ADGRG7: variants seen among roughly 807,000 people sequenced by gnomAD.
ADGRG7 encodes the protein G-protein coupled receptor 128.
Under a neutral mutation model 88.6 loss-of-function variants are expected in ADGRG7, and 82 were observed. The observed-to-expected ratio is 0.93, with a 90% CI of 0.77 to 1.11. The LOEUF is 1.11. Ranked by LOEUF, ADGRG7 falls within the 50% of genes most tolerant of loss-of-function variation. The probability of loss-of-function intolerance (pLI) is 0.00; values close to 1 mark genes in which losing one functional copy is unlikely to be tolerated. For synonymous variants in ADGRG7, 381 were observed against 345.2 expected (o/e 1.10, Z -1.15); for missense variants, 945 against 953.4 (o/e 0.99, Z 0.12).
chr3:100,647,116 C>G (rs576689374), intron 10 of ADGRG7, among the ~76,000 whole-genome samples: 31 of 152,128 alleles, frequency 2.0e-4, no homozygotes, highest in Non-Finnish European at 4.1e-4. Context: ...GAGATCACAC[C>G]ACTGCACTCC....
chr3:100,616,259 C>G (rs181580567), intron 1 of ADGRG7, among the ~76,000 whole-genome samples: 1 of 152,000 alleles, frequency 6.6e-6, no homozygotes, highest in Admixed American at 6.6e-5. Context: ...AAATTACATG[C>G]GAACCATGAT....
At chr3:100,662,494 A>G (rs1388661011) in intron 14 of ADGRG7, among the ~76,000 whole-genome samples, 4 of 152,202 alleles carry the variant, frequency 2.6e-5, no homozygotes, top group Non-Finnish European at 4.4e-5. Context: ...CATCAACACC[A>G]GAACAAAGTG....
chr3:100,663,534 A>G (rs1318055528), intron 14 of ADGRG7, among the ~76,000 whole-genome samples: 2 of 152,020 alleles, frequency 1.3e-5, no homozygotes, highest in Non-Finnish European at 1.5e-5. Flanking sequence ...CTCATCTCCA[A>G]CTAACTTTCT....
intron 1 of ADGRG7, among the ~76,000 whole-genome samples, chr3:100,611,243 T>TTTTTCTTC (rs1707144577): frequency 1.3e-5 from 1 of 76,318 alleles, no homozygotes; most frequent in Non-Finnish European, 3.4e-5. Flanking sequence ...GTTTGTTTGT[T>TTTTTCTTC]TTTCCTTCCT....
At chr3:100,648,776 T>C (rs980585642) in intron 10 of ADGRG7, among the ~76,000 whole-genome samples, 5 of 145,288 alleles carry the variant, frequency 3.4e-5, no homozygotes, top group African/African-American at 1.2e-4. Flanking sequence ...AATACATTGC[T>C]TTTCTAATTT....
intron 1 of ADGRG7, among the ~76,000 whole-genome samples, chr3:100,628,468 C>T (rs1038607279): frequency 6.6e-6 from 1 of 151,870 alleles, no homozygotes; most frequent in South Asian, 2.1e-4. Context: ...AAGTGATTCT[C>T]GTGCCTCAGC....
chr3:100,614,461 G>A (rs1052425834), intron 1 of ADGRG7, among the ~76,000 whole-genome samples: 15 of 152,086 alleles, frequency 9.9e-5, no homozygotes, highest in Admixed American at 2.6e-4. Flanking sequence ...AGTTAATACC[G>A]GACAAAGTTT....
intron 15 of ADGRG7, among the ~76,000 whole-genome samples, chr3:100,686,135 G>A (rs2094982202): frequency 6.6e-6 from 1 of 151,812 alleles, no homozygotes; most frequent in African/African-American, 2.4e-5. Context: ...GTGATGATGA[G>A]CATTTTTTCA....
chr3:100,658,749 C>T (rs1381049893), intron 13 of ADGRG7, among the ~76,000 whole-genome samples: 1 of 152,136 alleles, frequency 6.6e-6, no homozygotes, highest in Non-Finnish European at 1.5e-5. Flanking sequence ...ACTCTCATTA[C>T]CTGATTTACT....
rs765888895 is a variant in ADGRG7 at position 100,694,946 on chromosome 3, C to T, written c.2339C>T (p.Pro780Leu). 3.2e-5 allele frequency: 51 copies of T among 1,613,996 alleles called. No homozygotes were observed. Among genetic ancestry groups the T allele is most frequent in the Middle Eastern group, 1.6e-4 (1 of 6,084 alleles). Reference protein sequence around the residue: ...HERFRLLETSPSTEEITLSES... With the variant: ...HERFRLLETSLSTEEITLSES... ...CGCTTTAGGCTACTGGAAACCTCTCCGAGTACTGAGGAAATCACACTCTCT... is the reference window on the plus strand; with the variant it reads ...CGCTTTAGGCTACTGGAAACCTCTCTGAGTACTGAGGAAATCACACTCTCT... The change falls in exon 16 of 16, where the codon CCG becomes CTG. Residue 780 changes from proline to leucine, a missense_variant. By Grantham distance (98) the Pro-to-Leu change is moderately conservative. Coordinates refer to ENST00000273352, the MANE Select transcript of ADGRG7 (RefSeq NM_032787.3).
At chr3:100,662,966 G>A (rs2094947450) in intron 14 of ADGRG7, among the ~76,000 whole-genome samples, 1 of 152,094 alleles carries the variant, frequency 6.6e-6, no homozygotes, top group Admixed American at 6.5e-5. Flanking sequence ...GAACATTTTA[G>A]AGCATGGGAT....
intron 14 of ADGRG7, among the ~76,000 whole-genome samples, chr3:100,665,771 T>G (rs993296004): frequency 2.0e-5 from 3 of 152,226 alleles, no homozygotes; most frequent in Admixed American, 6.5e-5. Context: ...ATTTCCTTCA[T>G]ACAAAAATTA....
chr3:100,643,172 T>C, intron 6 of ADGRG7, 94 bp from the exon 7 acceptor site: 1 of 1,106,130 alleles, frequency 9.0e-7, no homozygotes, highest in Non-Finnish European at 1.3e-6. Flanking sequence ...CACAATTCTA[T>C]GCTCATGTCT....
intron 14 of ADGRG7, chr3:100,665,356 G>A: frequency 1.8e-6 from 1 of 540,722 alleles, no homozygotes; most frequent in Non-Finnish European, 3.8e-6. Flanking sequence ...AGTACCACCA[G>A]GCGTTTATCC....
chr3:100,658,728 C>T (rs2094940859), intron 13 of ADGRG7, among the ~76,000 whole-genome samples: 1 of 152,150 alleles, frequency 6.6e-6, no homozygotes, highest in African/African-American at 2.4e-5. Flanking sequence ...CACATATACA[C>T]GGTAATTTCT....
At position 100,637,329 on chromosome 3, in the gene ADGRG7, A is replaced by T. The variant is rs372140404; in HGVS notation, c.625A>T (p.Ser209Cys). 1.9e-6 allele frequency: 3 copies of T among 1,613,644 alleles called. No individual in the cohort carries two copies. In the African/African-American group the frequency reaches 4.0e-5, roughly 22 times the overall value. The change falls in exon 6 of 16, where the codon AGT (serine) becomes TGT (cysteine). Residue 209 changes from serine (S) to cysteine (C), a missense_variant. Ser to Cys is a moderately radical substitution (Grantham distance 112). Transcript: ENST00000273352. The stretch of plus-strand genomic sequence containing the variant: ...AAAGAAAGTTGCCATAGTAACAGTG[A>T]GTCAACTCCTAGATGCCAGTGAAGA... ...EAKKVAIVTV[S>C]QLLDASEDAF... is the part of the protein sequence containing the mutation.
At position 100,629,644 on chromosome 3, in the gene ADGRG7, T is replaced by A. The variant is rs767694222; in HGVS notation, c.162T>A (p.Asn54Lys). 2.5e-6 allele frequency: 4 copies of A among 1,613,390 alleles called. No homozygotes were observed. Among genetic ancestry groups the A allele is most frequent in the Non-Finnish European group, 1.7e-6 (2 of 1,179,468 alleles). The change falls in exon 2 of 16, where the codon AAT becomes AAA. Residue 54 changes from asparagine (N) to lysine (K), a missense_variant. By Grantham distance (94) the Asn-to-Lys change is moderately conservative (BLOSUM62 0). Coordinates refer to ENST00000273352, the MANE Select transcript of ADGRG7 (RefSeq NM_032787.3). ...SSSTPTEFCR[N>K]GGTWENGRCI... ...GCACCCCTACAGAGTTCTGCAGGAA[T>A]GGTGGAACCTGGGAAAATGGCAGAT...
At chr3:100,619,825 C>T (rs1034372388) in intron 1 of ADGRG7, among the ~76,000 whole-genome samples, 8 of 152,118 alleles carry the variant, frequency 5.3e-5, no homozygotes, top group African/African-American at 1.9e-4. Flanking sequence ...GGATAAATTC[C>T]TCGACACGTA....
chr3:100,626,652 G>A (rs184340159), intron 1 of ADGRG7, among the ~76,000 whole-genome samples: 2 of 152,274 alleles, frequency 1.3e-5, no homozygotes, highest in South Asian at 2.1e-4. Context: ...GGGCATGGTG[G>A]CATGTGCCCG....
Sources: gnomAD v4.1 joint callset for allele counts (sites outside exome capture counted in the v4.1 genomes callset) on GRCh38, gnomAD v4.1.1 for gene constraint, MANE v1.5 for transcripts, NCBI Gene and HGNC (gene_info 2026-07-23, HGNC 2026-07-21) for gene names.